Variants in CCDC85A observed in about 807,000 individuals in gnomAD.
CCDC85A encodes the protein coiled-coil domain containing 85A.
A neutral mutation model predicts 50.2 loss-of-function variants in CCDC85A; 38 were observed. The ratio of observed to expected loss-of-function variants is 0.76; its 90% confidence interval spans 0.58 to 0.99. The LOEUF is 0.99. Among genes scored for constraint, CCDC85A ranks in the 50% least tolerant of loss-of-function variants. CCDC85A has a pLI of 0.00. For synonymous variants in CCDC85A, 366 were observed against 301.4 expected, an observed-to-expected ratio of 1.21 and a Z score of -2.22; for missense variants, 820 against 742.0, an observed-to-expected ratio of 1.11 and a Z score of -1.22.
At chr2:56,322,441 T>A (rs1262816460) in intron 2 of CCDC85A, among the ~76,000 whole-genome samples, 1 of 151,966 alleles carries the variant, frequency 6.6e-6, no homozygotes, top group Non-Finnish European at 1.5e-5. Flanking sequence ...TCAAACAGAT[T>A]TACAAGAAAA....
intron 4 of CCDC85A, among the ~76,000 whole-genome samples, chr2:56,373,375 T>A (rs1676176952): frequency 6.6e-6 from 1 of 150,642 alleles, no homozygotes. Flanking sequence ...GAAAACTACT[T>A]TCATAAAAAA....
Position 56,342,931 on chromosome 2 carries a change from G to A in CCDC85A, c.1293G>A (p.Glu431=). ...RQLEARVRQL[E]EENRMLPQAS... Reference sequence around the variant, plus strand: ...TGGAGGCAAGAGTAAGACAGCTGGAGGAAGAAAATCGCATGCTGCCCCAGG... The same window carrying A: ...TGGAGGCAAGAGTAAGACAGCTGGAAGAAGAAAATCGCATGCTGCCCCAGG... The change falls in exon 3 of 6, where the codon GAG becomes GAA. Residue 431 remains glutamate, a synonymous_variant. Coordinates refer to ENST00000407595, the MANE Select transcript of CCDC85A (RefSeq NM_001080433.2). The A allele has an allele frequency of 1.3e-6, 2 of 1,598,080 alleles. No homozygotes were observed. The highest frequency in any genetic ancestry group is 1.7e-4 in the Middle Eastern group (1 of 6,032).
At position 56,384,277 on chromosome 2, in the gene CCDC85A, G is replaced by A. The variant is rs1048160253; in HGVS notation, c.1584G>A (p.Arg528=). Residue 528 remains arginine, a synonymous_variant, in exon 6 of 6, where the codon AGG becomes AGA. Coordinates refer to ENST00000407595, the MANE Select transcript of CCDC85A (RefSeq NM_001080433.2). ...PVVHSLKVVW[R]KLGDAAGSCP... ...TTTTTTTTTTTAAGGTTGTGTGGAG[G>A]AAACTTGGAGATGCTGCAGGTTCGT... 6.2e-7 allele frequency: 1 copy of A among 1,610,814 alleles called. No individual in the cohort carries two copies. Among genetic ancestry groups the A allele is most frequent in the Non-Finnish European group, 8.5e-7 (1 of 1,177,966 alleles).
At chr2:56,326,239 A>C (rs1673465247) in intron 2 of CCDC85A, among the ~76,000 whole-genome samples, 1 of 152,134 alleles carries the variant, frequency 6.6e-6, no homozygotes, top group Admixed American at 6.6e-5. Flanking sequence ...CTAAGCTGTC[A>C]ATCTTTTATC....
At chr2:56,361,364 C>T (rs1303216130) in intron 3 of CCDC85A, among the ~76,000 whole-genome samples, 2 of 152,078 alleles carry the variant, frequency 1.3e-5, no homozygotes, top group African/African-American at 4.8e-5. Flanking sequence ...TTGAGCATCT[C>T]TTATGTACAG....
At chr2:56,230,247 G>C (rs986091820) in intron 2 of CCDC85A, among the ~76,000 whole-genome samples, 2 of 152,288 alleles carry the variant, frequency 1.3e-5, no homozygotes. Flanking sequence ...CTTTGCTTAT[G>C]ATATTGGTAA....
intron 2 of CCDC85A, among the ~76,000 whole-genome samples, chr2:56,201,795 C>T (rs1467515250): frequency 1.3e-5 from 2 of 151,978 alleles, no homozygotes; most frequent in African/African-American, 4.8e-5. Flanking sequence ...GAAATGAGGG[C>T]AATATAGCTG....
chr2:56,278,176 T>C (rs184571834), intron 2 of CCDC85A, among the ~76,000 whole-genome samples: 50 of 152,270 alleles, frequency 3.3e-4, no homozygotes, highest in African/African-American at 1.2e-3. Context: ...TGCCAGAGTG[T>C]CTGGATCCTC....
chr2:56,323,057 T>C (rs1298421399), intron 2 of CCDC85A, among the ~76,000 whole-genome samples: 2 of 151,806 alleles, frequency 1.3e-5, no homozygotes, highest in African/African-American at 4.8e-5. Context: ...GAAAACCAAA[T>C]ACCGCATGTT....
At chr2:56,253,019 A>AAAATAAATAAAT (rs3032186) in intron 2 of CCDC85A, among the ~76,000 whole-genome samples, 29 of 150,242 alleles carry the variant, frequency 1.9e-4, no homozygotes, top group African/African-American at 4.9e-4. Flanking sequence ...ACTCCATCTC[A>AAAATAAATAAAT]AAATAAATAA....
chr2:56,186,393 C>T (rs545046892), intron 1 of CCDC85A, among the ~76,000 whole-genome samples: 1 of 152,244 alleles, frequency 6.6e-6, no homozygotes, highest in Non-Finnish European at 1.5e-5. Flanking sequence ...CAATACAATG[C>T]AATGATAATA....
chr2:56,322,949 G>C (rs1465556277), intron 2 of CCDC85A, among the ~76,000 whole-genome samples: 1 of 152,148 alleles, frequency 6.6e-6, no homozygotes, highest in East Asian at 1.9e-4. Flanking sequence ...ATACACCATG[G>C]AATACTATGC....
At chr2:56,376,395 C>A (rs1676339136) in intron 5 of CCDC85A, among the ~76,000 whole-genome samples, 1 of 152,148 alleles carries the variant, frequency 6.6e-6, no homozygotes, top group African/African-American at 2.4e-5. Flanking sequence ...TAAAAACCTA[C>A]TCTTTCCTCT....
At chr2:56,194,138 G>A (rs1229183341) in intron 2 of CCDC85A, among the ~76,000 whole-genome samples, 3 of 152,138 alleles carry the variant, frequency 2.0e-5, no homozygotes, top group African/African-American at 7.2e-5. Context: ...ATAATATGCT[G>A]TCTTACACTG....
intron 5 of CCDC85A, among the ~76,000 whole-genome samples, chr2:56,379,127 C>T (rs1469428622): frequency 6.6e-6 from 1 of 152,138 alleles, no homozygotes; most frequent in Admixed American, 6.5e-5. Context: ...ATTTTGCTTT[C>T]ATGAAAAATA....
chr2:56,376,211 G>A (rs1676330679), intron 5 of CCDC85A, among the ~76,000 whole-genome samples: 1 of 152,128 alleles, frequency 6.6e-6, no homozygotes, highest in South Asian at 2.1e-4. Context: ...GTCTGTGCAT[G>A]TATATCCATA....
chr2:56,295,308 G>A (rs1001636207), intron 2 of CCDC85A, among the ~76,000 whole-genome samples: 3 of 152,080 alleles, frequency 2.0e-5, no homozygotes, highest in Non-Finnish European at 4.4e-5. Flanking sequence ...GAATTTTATA[G>A]CAGGGTTTTT....
chr2:56,353,809 TG>T (rs1347968948), intron 3 of CCDC85A, among the ~76,000 whole-genome samples: 2 of 152,142 alleles, frequency 1.3e-5, no homozygotes, highest in Non-Finnish European at 2.9e-5. Context: ...TCTTATTATT[TG>T]GGGGAGTTGC....
At chr2:56,346,020 C>T (rs10166638) in intron 3 of CCDC85A, among the ~76,000 whole-genome samples, 63,313 of 152,006 alleles carry the variant, frequency 0.42, 14,923 homozygotes, top group African/African-American at 0.65. Flanking sequence ...AAGAATGTAG[C>T]TGGCAGCTGG....
Sources: allele counts gnomAD v4.1 joint callset (sites outside exome capture counted in the v4.1 genomes callset), GRCh38; gene constraint gnomAD v4.1.1; transcripts MANE v1.5; gene names NCBI Gene and HGNC (gene_info 2026-07-23, HGNC 2026-07-21).